The following THSD7B variants were observed in gnomAD, a reference collection of about 807,000 sequenced individuals.
THSD7B encodes the protein thrombospondin type 1 domain containing 7B.
In THSD7B, 138 loss-of-function variants were observed where a neutral mutation model predicts 213.6. The ratio of observed to expected loss-of-function variants is 0.65; its 90% CI spans 0.56 to 0.74. The LOEUF (loss-of-function observed/expected upper bound fraction) is 0.74. Ranked by LOEUF, THSD7B falls within the 30% of genes least tolerant of loss-of-function variation. The pLI, the probability that THSD7B is intolerant of heterozygous loss-of-function variation, is 0.00. For missense variants in THSD7B, 1,931 were observed against 1,991.5 expected (o/e 0.97, Z 0.58); for synonymous variants, 742 against 687.0 (o/e 1.08, Z -1.25).
At chr2:137,150,556 C>A (rs754640191) in intron 5 of THSD7B, among the ~76,000 whole-genome samples, 1 of 152,116 alleles carries the variant, frequency 6.6e-6, no homozygotes, top group East Asian at 1.9e-4. Context: ...GTGTTTTCTT[C>A]CCCTTCTTCC....
chr2:136,843,199 G>T (rs1682945153), intron 1 of THSD7B, among the ~76,000 whole-genome samples: 1 of 151,530 alleles, frequency 6.6e-6, no homozygotes, highest in African/African-American at 2.4e-5. Flanking sequence ...ATTGTCGAGG[G>T]TAATCATTCA....
chr2:137,284,747 G>A (rs1028027075), intron 12 of THSD7B, among the ~76,000 whole-genome samples: 1 of 152,126 alleles, frequency 6.6e-6, no homozygotes, highest in East Asian at 1.9e-4. Flanking sequence ...TAATTTGATT[G>A]CACTGTGGTC....
chr2:137,396,743 T>G (rs1361726451), intron 12 of THSD7B, among the ~76,000 whole-genome samples: 2 of 148,894 alleles, frequency 1.3e-5, no homozygotes, highest in Admixed American at 1.3e-4. Context: ...CTCGTTGATC[T>G]GTCTAATGTT....
chr2:136,782,526 T>C (rs2558099), intron 1 of THSD7B, among the ~76,000 whole-genome samples: 2,420 of 152,258 alleles, frequency 0.016, 72 homozygotes, highest in African/African-American at 0.055. Context: ...GTTCACCTGG[T>C]GCTTCTGCCA....
chr2:136,812,499 A>G (rs1682392180), intron 1 of THSD7B, among the ~76,000 whole-genome samples: 1 of 152,244 alleles, frequency 6.6e-6, no homozygotes, highest in Admixed American at 6.5e-5. Context: ...TAAAATTCAG[A>G]AGCTGAGCAA....
At chr2:137,214,624 T>C (rs1172614021) in intron 7 of THSD7B, among the ~76,000 whole-genome samples, 1 of 136,748 alleles carries the variant, frequency 7.3e-6, no homozygotes, top group Non-Finnish European at 1.6e-5. Flanking sequence ...GATGTTCCCC[T>C]CCCTGTGTCC....
chr2:137,383,789 C>T (rs60186230), intron 12 of THSD7B, among the ~76,000 whole-genome samples: 4,792 of 152,232 alleles, frequency 0.031, 274 homozygotes, highest in African/African-American at 0.11. Context: ...CTGTCTACGA[C>T]TTCTTGAGTG....
intron 3 of THSD7B, among the ~76,000 whole-genome samples, chr2:137,073,266 T>A (rs1405020674): frequency 6.6e-6 from 1 of 152,204 alleles, no homozygotes; most frequent in African/African-American, 2.4e-5. Flanking sequence ...CTATTAATTA[T>A]TGCCTCAATT....
At chr2:136,928,643 A>G (rs767243474) in intron 2 of THSD7B, among the ~76,000 whole-genome samples, 5 of 152,196 alleles carry the variant, frequency 3.3e-5, no homozygotes, top group Non-Finnish European at 7.4e-5. Flanking sequence ...TATTTTACAT[A>G]TAAATTTAAA....
intron 14 of THSD7B, among the ~76,000 whole-genome samples, chr2:137,442,018 AT>A (rs1040125240): frequency 3.9e-5 from 6 of 151,966 alleles, no homozygotes; most frequent in African/African-American, 7.2e-5. Context: ...TACTTCTTAT[AT>A]TTTTTGACCC....
intron 12 of THSD7B, among the ~76,000 whole-genome samples, chr2:137,334,377 G>A (rs1001656728): frequency 1.3e-5 from 2 of 152,162 alleles, no homozygotes; most frequent in Admixed American, 1.3e-4. Context: ...CGGGGAGCAA[G>A]AAAGGAAGTG....
intron 12 of THSD7B, among the ~76,000 whole-genome samples, chr2:137,334,221 T>G (rs1354957563): frequency 6.6e-6 from 1 of 151,648 alleles, no homozygotes; most frequent in Non-Finnish European, 1.5e-5. Context: ...TCTCCTTCCT[T>G]CCTTCCTTTA....
intron 7 of THSD7B, among the ~76,000 whole-genome samples, chr2:137,193,146 T>G (rs960635623): frequency 6.6e-6 from 1 of 152,118 alleles, no homozygotes; most frequent in Non-Finnish European, 1.5e-5. Context: ...CTCTCCACCG[T>G]CCAGTAACCT....
intron 20 of THSD7B, among the ~76,000 whole-genome samples, chr2:137,621,257 T>C (rs1188354120): frequency 6.6e-6 from 1 of 152,192 alleles, no homozygotes; most frequent in African/African-American, 2.4e-5. Flanking sequence ...ATGAACTGGG[T>C]TGGAAGCAGC....
rs1682774485 is a variant in THSD7B at position 137,272,700 on chromosome 2, T to G, written c.2396+38T>G. The G allele has an allele frequency of 3.1e-6, 5 of 1,597,052 alleles. No individual in the cohort carries two copies. In the Admixed American group the frequency reaches 5.2e-5, roughly 17 times the overall value. ...CTTTTAAAATTATCGTTAGACCTACTGTAAATTATAACCTATTTTCTTTCA... is the reference window on the plus strand; with the variant it reads ...CTTTTAAAATTATCGTTAGACCTACGGTAAATTATAACCTATTTTCTTTCA... On this transcript the variant is annotated intron_variant, in intron 11 of 27. Coordinates refer to ENST00000409968, the MANE Select transcript of THSD7B (RefSeq NM_001316349.2).
At chr2:136,898,579 G>A (rs12613700) in intron 2 of THSD7B, among the ~76,000 whole-genome samples, 63,804 of 116,648 alleles carry the variant, frequency 0.55, 16,628 homozygotes, top group East Asian at 0.87. Context: ...TTGTCCCCCC[G>A]CCCCCCCGCC....
At chr2:137,628,410 A>C (rs186144855) in intron 20 of THSD7B, among the ~76,000 whole-genome samples, 179 of 152,346 alleles carry the variant, frequency 1.2e-3, no homozygotes, top group Admixed American at 7.0e-3. Flanking sequence ...TTATAGTCTT[A>C]TGTACTTAGA....
chr2:137,040,232 C>T (rs954750579), intron 2 of THSD7B, among the ~76,000 whole-genome samples: 4 of 152,014 alleles, frequency 2.6e-5, no homozygotes, highest in Admixed American at 6.6e-5. Flanking sequence ...AAATGTGTTC[C>T]GGTAGAAAGG....
At chr2:136,822,059 G>A (rs1450085953) in intron 1 of THSD7B, among the ~76,000 whole-genome samples, 2 of 152,118 alleles carry the variant, frequency 1.3e-5, no homozygotes, top group Non-Finnish European at 2.9e-5. Flanking sequence ...AAGAGGGAGA[G>A]AACCATATTC....
Sources: gnomAD v4.1 joint callset for allele counts (sites outside exome capture counted in the v4.1 genomes callset) on GRCh38, gnomAD v4.1.1 for gene constraint, MANE v1.5 for transcripts, NCBI Gene and HGNC (gene_info 2026-07-23, HGNC 2026-07-21) for gene names.